Variants in CD40 observed in about 807,000 individuals in gnomAD.
CD40 encodes the protein CD40 molecule.
In CD40, 19 loss-of-function variants were observed where a neutral mutation model predicts 38.5. That is an observed-to-expected ratio of 0.49 (90% CI 0.34 to 0.72). The LOEUF is 0.72. Ranked by LOEUF, CD40 falls within the 30% of genes least tolerant of loss-of-function variation. The pLI is 0.01. For missense variants in CD40, 256 were observed against 344.1 expected, an observed-to-expected ratio of 0.74 and a Z score of 2.03; for synonymous variants, 130 against 128.7, an observed-to-expected ratio of 1.01 and a Z score of -0.07.
At chr20:46,126,762 T>C (rs2085445647) in intron 6 of CD40, 61 bp downstream of exon 6, 2 of 1,613,126 alleles carry the variant, frequency 1.2e-6, no homozygotes, top group African/African-American at 1.3e-5. Flanking sequence ...AAGGGGGAGA[T>C]GAGGCACACA....
intron 1 of CD40, among the ~76,000 whole-genome samples, chr20:46,119,048 T>C (rs1461924381): frequency 7.3e-6 from 1 of 137,010 alleles, no homozygotes; most frequent in Non-Finnish European, 1.6e-5. Flanking sequence ...CAATAAAGGG[T>C]TAGGAGACCA....
chr20:46,129,168 C>T lies in CD40; in HGVS notation c.*128C>T, dbSNP rs761154625. 48 of 999,868 alleles carry T rather than the reference C, an allele frequency of 4.8e-5. No homozygotes were observed. Among genetic ancestry groups the T allele is most frequent in the Middle Eastern group, 4.4e-4 (2 of 4,582 alleles). The allele number at this position is 999,868 out of a possible 1,614,324, so 61.9% of individuals were successfully genotyped here. A position where few individuals can be genotyped will look rare whatever the true frequency, so the allele number is the denominator to read the frequency against. ...ACTGGGCATAGCTCCCCGCTTCTGC[C>T]TGCACCCCTGCAGTTTGAGACAGGA... is the stretch of plus-strand genomic sequence containing the variant. On this transcript the variant is annotated 3_prime_UTR_variant, in exon 9 of 9. Coordinates refer to ENST00000372285, the MANE Select transcript of CD40 (RefSeq NM_001250.6).
At chr20:46,128,596 C>G (rs868675588) in intron 8 of CD40, 1 of 707,244 alleles carries the variant, frequency 1.4e-6, no homozygotes, top group East Asian at 2.7e-5. Flanking sequence ...TCACTCCTTT[C>G]CTGGCATTCA....
intron 1 of CD40, among the ~76,000 whole-genome samples, chr20:46,120,459 A>T (rs1022353465): frequency 1.3e-5 from 2 of 152,278 alleles, no homozygotes; most frequent in Non-Finnish European, 1.5e-5. Context: ...ACTGTGGGAC[A>T]GTTTTAAGGA....
chr20:46,122,516 G>C lies in CD40; in HGVS notation c.257-94G>C. The C allele has an allele frequency of 1.9e-6, 3 of 1,588,104 alleles. No homozygotes were observed. The highest frequency in any genetic ancestry group is 1.7e-5 in the Admixed American group (1 of 59,954). Reference sequence around the variant, plus strand: ...TTGATTGCCATCTCTACTTGGAAGAGGGTCTGAGGAAGAAAGAGCAGGCAA... The same window carrying C: ...TTGATTGCCATCTCTACTTGGAAGACGGTCTGAGGAAGAAAGAGCAGGCAA... On this transcript the variant is annotated intron_variant, in intron 3 of 8. Coordinates refer to ENST00000372285, the MANE Select transcript of CD40 (RefSeq NM_001250.6). This position sits in a 1 kb window ranked among gnomAD's most constrained non-coding sequence, Gnocchi z 5.0.
At chr20:46,128,542 A>T in intron 8 of CD40, 184 bp downstream of exon 8, 1 of 748,230 alleles carries the variant, frequency 1.3e-6, no homozygotes, top group East Asian at 2.7e-5. Flanking sequence ...TCCCCCACAG[A>T]ACTGCCCCTG....
chr20:46,124,631 G>A (rs1285488629), intron 5 of CD40, among the ~76,000 whole-genome samples: 1 of 150,890 alleles, frequency 6.6e-6, no homozygotes, highest in African/African-American at 2.4e-5. Context: ...GTAGAAACTT[G>A]GCCTTTTTTT....
At position 46,120,996 on chromosome 20, in the gene CD40, T is replaced by C. The variant is rs11569313; in HGVS notation, c.52-824T>C. Among the ~76,000 whole-genome samples the C allele has an allele frequency of 2.0e-3, 304 of 152,204 alleles. 4 individuals carry two copies. Among genetic ancestry groups the C allele is most frequent in the African/African-American group, 7.1e-3 (294 of 41,528 alleles). On this transcript the variant is annotated intron_variant, in intron 1 of 8. Transcript: ENST00000372285. ...TGGAGAATTGCTTGAACCCAGGAGA[T>C]AGAGGTTGCAGTGGGCTGAGATGAT...
rs2085314809 is a variant in CD40 at position 46,121,409 on chromosome 20, G to C, written c.52-411G>C. On this transcript the variant is annotated intron_variant, in intron 1 of 8. Transcript: ENST00000372285. ...AGGAAGGGAAGCAGAAGAATAGGAG[G>C]AAGAGGCCAAGTGCTAAACATAGCC... Among the ~76,000 whole-genome samples, 4 of 152,148 alleles carry C rather than the reference G, an allele frequency of 2.6e-5. No individual in the cohort carries two copies. The South Asian group carries it at 8.3e-4, about 32-fold the overall frequency.
intron 1 of CD40, among the ~76,000 whole-genome samples, chr20:46,119,998 C>T (rs1398799106): frequency 6.6e-6 from 1 of 152,120 alleles, no homozygotes; most frequent in African/African-American, 2.4e-5. Flanking sequence ...GTGGGAGCTC[C>T]ACGTTCACAG....
At chr20:46,120,262 C>T (rs2085292045) in intron 1 of CD40, among the ~76,000 whole-genome samples, 1 of 152,218 alleles carries the variant, frequency 6.6e-6, no homozygotes, top group Admixed American at 6.5e-5. Context: ...CTGTGCTAGG[C>T]CATATACATG....
At chr20:46,123,346 T>C in intron 5 of CD40, 127 bp downstream of exon 5, 1 of 850,708 alleles carries the variant, frequency 1.2e-6, no homozygotes, top group South Asian at 1.3e-5. Flanking sequence ...GTGAAGCATC[T>C]GCAGAGTGGC....
chr20:46,120,522 CCTT>C (rs1255794410), intron 1 of CD40, among the ~76,000 whole-genome samples: 1 of 152,148 alleles, frequency 6.6e-6, no homozygotes, highest in Non-Finnish European at 1.5e-5. Context: ...TTTTAAAAAT[CCTT>C]CTCATTTTTT....
rs868660658 is a variant in CD40 at position 46,122,515 on chromosome 20, A to C, written c.257-95A>C. ...TTTGATTGCCATCTCTACTTGGAAG[A>C]GGGTCTGAGGAAGAAAGAGCAGGCA... is the stretch of plus-strand genomic sequence containing the variant. On this transcript the variant is annotated intron_variant, in intron 3 of 8. Coordinates refer to ENST00000372285, the MANE Select transcript of CD40 (RefSeq NM_001250.6). This position sits in a 1 kb window ranked among gnomAD's most constrained non-coding sequence, Gnocchi z 5.0. The C allele has an allele frequency of 6.9e-6, 11 of 1,586,562 alleles. No homozygotes were observed. In the Middle Eastern group the frequency reaches 1.7e-3, roughly 245 times the overall value.
At chr20:46,118,888 T>G (rs1451933380) in intron 1 of CD40, among the ~76,000 whole-genome samples, 1 of 152,222 alleles carries the variant, frequency 6.6e-6, no homozygotes, top group East Asian at 1.9e-4. Flanking sequence ...GGTACTTTTG[T>G]GAGAAGGCAA....
At chr20:46,125,957 C>T (rs779623167) in intron 5 of CD40, among the ~76,000 whole-genome samples, 3 of 152,176 alleles carry the variant, frequency 2.0e-5, no homozygotes, top group South Asian at 2.1e-4. Context: ...TCCCACTTAG[C>T]GGGACTGCAC....
Position 46,122,238 on chromosome 20 carries a change from A to G in CD40, c.136A>G (p.Lys46Glu). ...QCCSLCQPGQ[K>E]LVSDCTEFTE... is the part of the protein sequence containing the mutation. ...CATTTCCTGATGTTTTCCAGGACAG[A>G]AACTGGTGAGTGACTGCACAGAGTT... The change falls in exon 3 of 9, where the codon AAA becomes GAA. Residue 46 changes from lysine to glutamate, a missense_variant. Transcript: ENST00000372285. This position sits in a 1 kb window ranked among gnomAD's most constrained non-coding sequence, Gnocchi z 5.0. The G allele has an allele frequency of 6.2e-7, 1 of 1,614,228 alleles. No homozygotes were observed. Among genetic ancestry groups the G allele is most frequent in the South Asian group, 1.1e-5 (1 of 91,088 alleles).
At chr20:46,127,910 T>G (rs2145611747) in intron 6 of CD40, 1 of 767,102 alleles carries the variant, frequency 1.3e-6, no homozygotes, top group East Asian at 2.8e-5. Context: ...TTTGAATATG[T>G]GATCTCCCAG....
Position 46,124,771 on chromosome 20 carries a change from T to G in CD40, c.497+1552T>G, listed in dbSNP as rs1245036034. Among the ~76,000 whole-genome samples, 32 of 113,966 alleles carry G rather than the reference T, an allele frequency of 2.8e-4. No individual in the cohort carries two copies. The South Asian group carries it at 8.7e-3, about 31-fold the overall frequency. The allele number at this position is 113,966 out of a possible 152,430, so 74.8% of individuals were successfully genotyped here. ...GTATAGTTTTTTTTTTTTTTTTTTT[T>G]TTTTTTTTTTTTTGAGACAGAGTCT... On this transcript the variant is annotated intron_variant, in intron 5 of 8. Transcript: ENST00000372285.
Sources: allele counts gnomAD v4.1 joint callset (sites outside exome capture counted in the v4.1 genomes callset), GRCh38; gene constraint gnomAD v4.1.1; non-coding constraint Gnocchi (gnomAD v3.1); transcripts MANE v1.5; gene names NCBI Gene and HGNC (gene_info 2026-07-23, HGNC 2026-07-21).